TLK1: variants seen among roughly 807,000 people sequenced by gnomAD.
The protein encoded by TLK1 is tousled like kinase 1.
TLK1 carries 24 observed loss-of-function variants against 105.3 expected under a neutral mutation model. That is an observed-to-expected ratio of 0.23 (90% CI 0.17 to 0.32). The LOEUF (loss-of-function observed/expected upper bound fraction) is 0.32. Among genes scored for constraint, TLK1 ranks in the 10% least tolerant of loss-of-function variants. The pLI is 1.00. For missense variants in TLK1, 558 were observed against 910.5 expected (o/e 0.61, Z 4.98); for synonymous variants, 321 against 310.4 (o/e 1.03, Z -0.36).
chr2:171,148,656 G>T (rs1394589245), intron 1 of TLK1, among the ~76,000 whole-genome samples: 1 of 151,936 alleles, frequency 6.6e-6, no homozygotes, highest in Non-Finnish European at 1.5e-5. Flanking sequence ...GCCCAGAAGG[G>T]CAGATCACCT....
At chr2:170,999,082 T>C (rs529281641) in intron 18 of TLK1, among the ~76,000 whole-genome samples, 5 of 152,336 alleles carry the variant, frequency 3.3e-5, no homozygotes, top group Admixed American at 1.3e-4. Flanking sequence ...TAATTTTTAA[T>C]AGATGAAGGG....
chr2:171,218,441 GGTT>G (rs1383565015), intron 1 of TLK1, among the ~76,000 whole-genome samples: 1 of 152,190 alleles, frequency 6.6e-6, no homozygotes, highest in African/African-American at 2.4e-5. Flanking sequence ...GGAAGAGACT[GGTT>G]GTACAACAAT....
chr2:171,208,777 G>C (rs901944453), intron 1 of TLK1, among the ~76,000 whole-genome samples: 1 of 152,182 alleles, frequency 6.6e-6, no homozygotes, highest in African/African-American at 2.4e-5. Context: ...ATTAGTTACT[G>C]TTCCCTGCAG....
intron 13 of TLK1, among the ~76,000 whole-genome samples, chr2:171,013,666 C>T (rs1031135136): frequency 6.6e-6 from 1 of 152,160 alleles, no homozygotes; most frequent in Non-Finnish European, 1.5e-5. Context: ...TTTCTCTTCA[C>T]ACAATGGAAT....
At chr2:171,194,948 C>T (rs1693238093) in intron 1 of TLK1, among the ~76,000 whole-genome samples, 1 of 151,944 alleles carries the variant, frequency 6.6e-6, no homozygotes, top group South Asian at 2.1e-4. Flanking sequence ...CTACACGAAT[C>T]ACTGCTCTGC....
chr2:171,080,013 G>A (rs1688677285), intron 3 of TLK1, among the ~76,000 whole-genome samples: 1 of 151,942 alleles, frequency 6.6e-6, no homozygotes, highest in Non-Finnish European at 1.5e-5. Context: ...AGGGTGGTAG[G>A]AGAAAGCAAT....
At chr2:171,069,715 G>A (rs761554139) in intron 3 of TLK1, among the ~76,000 whole-genome samples, 1 of 152,142 alleles carries the variant, frequency 6.6e-6, no homozygotes, top group Non-Finnish European at 1.5e-5. Context: ...CTTTCATTCT[G>A]AGTTTACAGT....
At chr2:171,077,221 T>C (rs1688553174) in intron 3 of TLK1, among the ~76,000 whole-genome samples, 1 of 152,212 alleles carries the variant, frequency 6.6e-6, no homozygotes, top group Non-Finnish European at 1.5e-5. Context: ...TGCAAGTTCA[T>C]CTACCCCAAT....
chr2:171,073,880 C>T (rs1013420581), intron 3 of TLK1, among the ~76,000 whole-genome samples: 7 of 98,348 alleles, frequency 7.1e-5, no homozygotes, highest in Non-Finnish European at 1.4e-4. Flanking sequence ...ATTCCCCCCC[C>T]CCCTCCTTTT....
At chr2:171,145,313 C>T (rs983407361) in intron 1 of TLK1, among the ~76,000 whole-genome samples, 1 of 151,004 alleles carries the variant, frequency 6.6e-6, no homozygotes, top group Non-Finnish European at 1.5e-5. Flanking sequence ...AAAAAAAGGC[C>T]GGGCACAGTG....
chr2:171,039,796 A>C (rs1206418444), intron 11 of TLK1, among the ~76,000 whole-genome samples: 1 of 152,180 alleles, frequency 6.6e-6, no homozygotes, highest in Non-Finnish European at 1.5e-5. Flanking sequence ...AAAATTCTAA[A>C]ACCAGTAAAG....
intron 1 of TLK1, chr2:171,159,922 G>A (rs891228408): frequency 5.5e-6 from 1 of 183,472 alleles, no homozygotes; most frequent in Non-Finnish European, 1.1e-5. Flanking sequence ...GAGACCGGAG[G>A]CCAGGAGGTT....
intron 1 of TLK1, among the ~76,000 whole-genome samples, chr2:171,153,196 T>C (rs1268802772): frequency 2.0e-5 from 3 of 152,302 alleles, no homozygotes; most frequent in Middle Eastern, 6.8e-3. Flanking sequence ...CAAATCCCCA[T>C]CATGTACTAC....
chr2:171,085,141 G>A (rs1220385276), intron 2 of TLK1, among the ~76,000 whole-genome samples: 1 of 152,200 alleles, frequency 6.6e-6, no homozygotes, highest in Non-Finnish European at 1.5e-5. Flanking sequence ...TGTAATCCCA[G>A]CACTTTGGGA....
chr2:171,053,985 A>G (rs1687374106), intron 7 of TLK1, 132 bp from the exon 8 acceptor site: 5 of 650,972 alleles, frequency 7.7e-6, no homozygotes, highest in Middle Eastern at 8.9e-4. Flanking sequence ...TGAATCTCAA[A>G]AAGTTTTAGT....
chr2:171,221,201 T>C, intron 1 of TLK1, among the ~76,000 whole-genome samples: 1 of 152,258 alleles, frequency 6.6e-6, no homozygotes, highest in Non-Finnish European at 1.5e-5. Context: ...GTGTAATGAA[T>C]ATCTGTTATC....
At chr2:171,049,279 A>G (rs1687117224) in intron 10 of TLK1, among the ~76,000 whole-genome samples, 1 of 152,202 alleles carries the variant, frequency 6.6e-6, no homozygotes, top group Admixed American at 6.5e-5. Context: ...AACTAAAATA[A>G]AAGTTGAAAT....
At chr2:171,094,383 G>A (rs915059439) in intron 2 of TLK1, among the ~76,000 whole-genome samples, 3 of 151,920 alleles carry the variant, frequency 2.0e-5, no homozygotes, top group African/African-American at 7.3e-5. Context: ...TTTCAGAAGG[G>A]AGGAAACAAA....
intron 1 of TLK1, among the ~76,000 whole-genome samples, chr2:171,215,250 A>G (rs1575661969): frequency 6.6e-6 from 1 of 151,668 alleles, no homozygotes; most frequent in African/African-American, 2.4e-5. Flanking sequence ...CTCTCTCTCA[A>G]CTCTTTCAGT....
Sources: allele counts gnomAD v4.1 joint callset (sites outside exome capture counted in the v4.1 genomes callset), GRCh38; gene constraint gnomAD v4.1.1; transcripts MANE v1.5; gene names NCBI Gene and HGNC (gene_info 2026-07-23, HGNC 2026-07-21).